The following INSL6 variants were observed in gnomAD, a reference collection of about 807,000 sequenced individuals.
The protein encoded by INSL6 is insulin like 6.
Under a neutral mutation model 9.4 loss-of-function variants are expected in INSL6, and 16 were observed. The ratio of observed to expected loss-of-function variants is 1.70; its 90% CI spans 1.15 to 2.59. The LOEUF is 2.59. Among genes scored for constraint, INSL6 ranks in the 30% most tolerant of loss-of-function variants. INSL6 has a pLI of 0.00. For missense variants in INSL6, 391 were observed against 257.3 expected (o/e 1.52, Z -3.56); for synonymous variants, 154 against 96.9 (o/e 1.59, Z -3.46).
the INSL6 span, chr9:5,080,515 G>A: frequency 6.4e-7 from 1 of 1,571,430 alleles, no homozygotes; most frequent in African/African-American, 1.4e-5. Flanking sequence ...TTCTCAGTTT[G>A]TGGTTCTTTA....
At chr9:5,051,433 G>A in the INSL6 span, among the ~76,000 whole-genome samples, 2 of 152,018 alleles carry the variant, frequency 1.3e-5, no homozygotes, top group East Asian at 1.9e-4. Context: ...ACTCACGTGG[G>A]GGAGCCTGTT....
the INSL6 span, chr9:5,044,426 G>A: frequency 6.2e-7 from 1 of 1,611,748 alleles, no homozygotes; most frequent in South Asian, 1.1e-5. Context: ...CGTTGGTATT[G>A]CAGTGGCAGC....
the INSL6 span, among the ~76,000 whole-genome samples, chr9:5,051,087 G>A: frequency 1.2e-3 from 175 of 152,126 alleles, 1 homozygote; most frequent in Middle Eastern, 6.8e-3. Context: ...TCATGTTGAC[G>A]TTCAAAAAGT....
the INSL6 span, chr9:5,072,433 T>G: frequency 7.6e-7 from 1 of 1,310,078 alleles, no homozygotes; most frequent in Non-Finnish European, 1.0e-6. Flanking sequence ...TGTATTTTCT[T>G]GTTCCTACTT....
At chr9:5,171,117 A>G (rs1825172439) in intron 1 of INSL6, among the ~76,000 whole-genome samples, 1 of 152,222 alleles carries the variant, frequency 6.6e-6, no homozygotes, top group Admixed American at 6.5e-5. Context: ...ATACAGCAGC[A>G]CATCAAAAAG....
the INSL6 span, among the ~76,000 whole-genome samples, chr9:5,067,832 T>C: frequency 0.047 from 7,085 of 151,992 alleles, 366 homozygotes; most frequent in African/African-American, 0.12. Context: ...TAGGCAAATA[T>C]AGACAGTAAC....
At chr9:5,169,424 C>T (rs2130910466) in intron 1 of INSL6, among the ~76,000 whole-genome samples, 1 of 152,226 alleles carries the variant, frequency 6.6e-6, no homozygotes, top group South Asian at 2.1e-4. Context: ...AAAAACACAC[C>T]AAAGTACACA....
At chr9:5,068,765 A>T in the INSL6 span, among the ~76,000 whole-genome samples, 1 of 152,192 alleles carries the variant, frequency 6.6e-6, no homozygotes, top group Non-Finnish European at 1.5e-5. Flanking sequence ...TAAGGATGGT[A>T]TTGTTGCTAT....
the INSL6 span, among the ~76,000 whole-genome samples, chr9:5,042,124 CTTTTTTTTTTT>C: frequency 3.7e-5 from 4 of 107,612 alleles, no homozygotes; most frequent in African/African-American, 7.7e-5. Flanking sequence ...GCCAAAATTT[CTTTTTTTTTTT>C]TTTTTTTTTT....
chr9:5,104,478 G>C, the INSL6 span, among the ~76,000 whole-genome samples: 14 of 152,130 alleles, frequency 9.2e-5, no homozygotes, highest in African/African-American at 2.2e-4. Context: ...TTCTCCTAGA[G>C]GTACAAAGAG....
the INSL6 span, chr9:5,099,595 C>G: frequency 4.6e-5 from 7 of 152,176 alleles, no homozygotes; most frequent in African/African-American, 1.7e-4. Context: ...TTTGCTACCC[C>G]TACAATTCTA....
chr9:5,111,323 G>C, the INSL6 span: 1 of 445,526 alleles, frequency 2.2e-6, no homozygotes, highest in Admixed American at 2.9e-5. Flanking sequence ...CCGGACCCCT[G>C]TCCCCCTCAG....
the INSL6 span, among the ~76,000 whole-genome samples, chr9:5,013,203 T>C: frequency 4.4e-4 from 67 of 152,310 alleles, no homozygotes; most frequent in African/African-American, 1.5e-3. Flanking sequence ...TAATAACTTA[T>C]ATCTTCTTCT....
the INSL6 span, among the ~76,000 whole-genome samples, chr9:5,053,828 T>A: frequency 6.6e-6 from 1 of 151,970 alleles, no homozygotes. Context: ...CTTCCTGGAT[T>A]AGATGGTACT....
chr9:5,006,797 T>G, the INSL6 span, among the ~76,000 whole-genome samples: 3 of 152,172 alleles, frequency 2.0e-5, no homozygotes, highest in Non-Finnish European at 4.4e-5. Flanking sequence ...CAACATGAGA[T>G]TTGGGTGGGG....
the INSL6 span, among the ~76,000 whole-genome samples, chr9:5,050,316 G>T: frequency 6.6e-6 from 1 of 152,144 alleles, no homozygotes; most frequent in Non-Finnish European, 1.5e-5. Flanking sequence ...TCATTTTAGA[G>T]ACTGGGTCTT....
At chr9:5,167,143 C>T (rs574305037) in intron 1 of INSL6, among the ~76,000 whole-genome samples, 1 of 152,300 alleles carries the variant, frequency 6.6e-6, no homozygotes, top group Non-Finnish European at 1.5e-5. Flanking sequence ...CACCTGGGAG[C>T]CAGCCACACA....
chr9:5,099,514 A>G, the INSL6 span: 4 of 152,162 alleles, frequency 2.6e-5, no homozygotes, highest in African/African-American at 9.7e-5. Flanking sequence ...TTATCCCTAC[A>G]CCAAAAATAA....
the INSL6 span, among the ~76,000 whole-genome samples, chr9:5,046,336 T>C: frequency 6.6e-6 from 1 of 152,222 alleles, no homozygotes; most frequent in African/African-American, 2.4e-5. Flanking sequence ...GATTTGTAGA[T>C]AGTTTTTCCC....
Sources: gnomAD v4.1 joint callset for allele counts (sites outside exome capture counted in the v4.1 genomes callset) on GRCh38, gnomAD v4.1.1 for gene constraint, MANE v1.5 for transcripts, NCBI Gene and HGNC (gene_info 2026-07-23, HGNC 2026-07-21) for gene names.